BMPR2: variants seen among roughly 807,000 people sequenced by gnomAD.
BMPR2 encodes bone morphogenetic protein receptor type 2.
A neutral mutation model predicts 100.8 loss-of-function variants in BMPR2; 29 were observed. That is an observed-to-expected ratio of 0.29 (90% confidence interval 0.21 to 0.39). The LOEUF is 0.39. Ranked by LOEUF, BMPR2 falls within the 10% of genes least tolerant of loss-of-function variation. The pLI, the probability that BMPR2 is intolerant of heterozygous loss-of-function variation, is 1.00. For synonymous variants in BMPR2, 382 were observed against 442.3 expected, an observed-to-expected ratio of 0.86 and a Z score of 1.71; for missense variants, 1,011 against 1,274.5, an observed-to-expected ratio of 0.79 and a Z score of 3.15.
In BMPR2 at chr2:202,447,082, C is replaced by T. The variant is rs1051327155; in HGVS notation, c.77-17727C>T. 2.7e-5 allele frequency among the ~76,000 whole-genome samples: 4 copies of T among 148,590 alleles called. 1 individual carries two copies. The highest frequency in any genetic ancestry group is 7.7e-5 in the African/African-American group (3 of 38,778). On this transcript the variant is annotated intron_variant, in intron 1 of 12. Coordinates refer to ENST00000374580, the MANE Select transcript of BMPR2 (RefSeq NM_001204.7). The stretch of plus-strand genomic sequence containing the variant: ...CAGCACTTTGGGAGGCCGAGGTGGG[C>T]GGATCATGAGGTCAAGAGTTTGAGA...
intron 10 of BMPR2, among the ~76,000 whole-genome samples, chr2:202,550,193 C>A (rs1688451115): frequency 6.6e-6 from 1 of 151,944 alleles, no homozygotes; most frequent in South Asian, 2.1e-4. Context: ...CATGGTGAAA[C>A]CCCATCTCTA....
At chr2:202,547,016 C>T (rs541147750) in intron 10 of BMPR2, among the ~76,000 whole-genome samples, 2 of 152,234 alleles carry the variant, frequency 1.3e-5, no homozygotes, top group South Asian at 4.1e-4. Flanking sequence ...AATCCTCCCA[C>T]CTCGGCCTCC....
rs1447294290 is a variant in BMPR2, at chr2:202,564,342, C to CAT, written c.*4401_*4402dup. 1 of 152,166 alleles carries CAT rather than the reference C, an allele frequency of 6.6e-6. No homozygotes were observed. The highest frequency in any genetic ancestry group is 2.4e-5 in the African/African-American group (1 of 41,452). The allele number at this position is 152,166 out of a possible 1,614,324, so 9.4% of individuals were successfully genotyped here. On this transcript the variant is annotated 3_prime_UTR_variant, in exon 13 of 13. Transcript: ENST00000374580. ...TTATGTAACTATTCACAGATTGCTT[C>CAT]ATATATTGCTTTATCTTCCCATCTA... is the stretch of plus-strand genomic sequence containing the variant.
At chr2:202,496,008 A>C (rs71425945) in intron 3 of BMPR2, among the ~76,000 whole-genome samples, 33 of 152,360 alleles carry the variant, frequency 2.2e-4, no homozygotes, top group South Asian at 4.1e-4. Flanking sequence ...AAACAGGAAC[A>C]GCAAAAAGAC....
At chr2:202,533,207 CT>C (rs1183552189) in intron 9 of BMPR2, among the ~76,000 whole-genome samples, 1 of 151,568 alleles carries the variant, frequency 6.6e-6, no homozygotes, top group African/African-American at 2.4e-5. Flanking sequence ...CTTCTCTCAC[CT>C]TATCTCCTTC....
intron 12 of BMPR2, among the ~76,000 whole-genome samples, chr2:202,558,281 T>G (rs1688617462): frequency 6.6e-6 from 1 of 152,138 alleles, no homozygotes; most frequent in Non-Finnish European, 1.5e-5. Flanking sequence ...CCCTGCTAAT[T>G]ATTGTATTTT....
chr2:202,404,621 A>G (rs1048347269), intron 1 of BMPR2, among the ~76,000 whole-genome samples: 4 of 152,208 alleles, frequency 2.6e-5, no homozygotes, highest in Non-Finnish European at 5.9e-5. Context: ...TAAACGAGAT[A>G]AATATATTTC....
intron 3 of BMPR2, among the ~76,000 whole-genome samples, chr2:202,492,520 C>T (rs1692922854): frequency 6.6e-6 from 1 of 151,448 alleles, no homozygotes; most frequent in Non-Finnish European, 1.5e-5. Flanking sequence ...GCCAACATAG[C>T]AAAACCCCTT....
intron 3 of BMPR2, among the ~76,000 whole-genome samples, chr2:202,487,998 C>T (rs1454650153): frequency 1.3e-5 from 2 of 152,230 alleles, no homozygotes; most frequent in Admixed American, 6.5e-5. Flanking sequence ...GCGTGAGCCT[C>T]CGCATGCCAC....
At chr2:202,550,893 T>C (rs1430118156) in intron 10 of BMPR2, among the ~76,000 whole-genome samples, 1 of 151,838 alleles carries the variant, frequency 6.6e-6, no homozygotes, top group Non-Finnish European at 1.5e-5. Flanking sequence ...GTTCTACTTA[T>C]TATCTAATGT....
At position 202,377,481 on chromosome 2, in the gene BMPR2, T is replaced by C. The variant is rs748855275; in HGVS notation, c.7T>C (p.Ser3Pro). Residue 3 changes from serine to proline, a missense_variant, in exon 1 of 13, where the codon TCC becomes CCC. Coordinates refer to ENST00000374580, the MANE Select transcript of BMPR2 (RefSeq NM_001204.7). MT[S>P]SLQRPWRVPW... is the part of the protein sequence containing the mutation. ...ATTCTTGGCTGGCCCAGGGATGACT[T>C]CCTCGCTGCAGCGGCCCTGGCGGGT... is the stretch of plus-strand genomic sequence containing the variant. 6.2e-7 allele frequency: 1 copy of C among 1,614,260 alleles called. No individual in the cohort carries two copies. Among genetic ancestry groups the C allele is most frequent in the Admixed American group, 1.7e-5 (1 of 60,030 alleles).
intron 10 of BMPR2, among the ~76,000 whole-genome samples, chr2:202,550,702 C>T (rs1357326605): frequency 6.6e-6 from 1 of 152,088 alleles, no homozygotes; most frequent in Non-Finnish European, 1.5e-5. Context: ...ACTCAGGAGG[C>T]TCATGTAGGA....
chr2:202,461,661 A>G (rs1030929057), intron 1 of BMPR2, among the ~76,000 whole-genome samples: 2 of 152,222 alleles, frequency 1.3e-5, no homozygotes, highest in East Asian at 3.8e-4. Context: ...AACAAAAATG[A>G]TAATTCCAGG....
chr2:202,554,575 C>CT (rs1559073638), intron 11 of BMPR2, among the ~76,000 whole-genome samples: 1 of 152,074 alleles, frequency 6.6e-6, no homozygotes, highest in Non-Finnish European at 1.5e-5. Context: ...ATAACTGTCA[C>CT]TCCCAAGGAA....
At chr2:202,420,480 A>G (rs1196593601) in intron 1 of BMPR2, among the ~76,000 whole-genome samples, 2 of 150,448 alleles carry the variant, frequency 1.3e-5, no homozygotes, top group African/African-American at 4.9e-5. Context: ...ATTACTAAAT[A>G]TGCGTTTATA....
chr2:202,433,680 C>T (rs1056278191), intron 1 of BMPR2, among the ~76,000 whole-genome samples: 6 of 150,426 alleles, frequency 4.0e-5, no homozygotes, highest in Non-Finnish European at 7.4e-5. Flanking sequence ...GAGGCTGAGG[C>T]GGGCGGATCA....
chr2:202,483,732 T>G (rs1692710803), intron 3 of BMPR2, among the ~76,000 whole-genome samples: 1 of 152,150 alleles, frequency 6.6e-6, no homozygotes, highest in South Asian at 2.1e-4. Context: ...GTAGTTCAAT[T>G]TATCTATTCT....
At chr2:202,418,990 G>A (rs1411962742) in intron 1 of BMPR2, among the ~76,000 whole-genome samples, 1 of 152,128 alleles carries the variant, frequency 6.6e-6, no homozygotes, top group Non-Finnish European at 1.5e-5. Context: ...TCTGTCATGT[G>A]ATGTTATGTC....
chr2:202,377,319 C>T lies in BMPR2; in HGVS notation c.-156C>T, dbSNP rs1690170624. The stretch of plus-strand genomic sequence containing the variant: ...CTGCAGCGGCATGAAAGCTCTGCAG[C>T]TAGGTCCTCTCATCAGCCATTTGTC... On this transcript the variant is annotated 5_prime_UTR_variant, in exon 1 of 13. Transcript: ENST00000374580. 1.3e-6 allele frequency: 1 copy of T among 748,050 alleles called. No homozygotes were observed. 46.3% of individuals were successfully genotyped at this position (748,050 alleles called of 1,614,324 possible).
Sources: gnomAD v4.1 joint callset for allele counts (sites outside exome capture counted in the v4.1 genomes callset) on GRCh38, gnomAD v4.1.1 for gene constraint, MANE v1.5 for transcripts, NCBI Gene and HGNC (gene_info 2026-07-23, HGNC 2026-07-21) for gene names.